The following TASP1 variants were observed in gnomAD, a reference collection of about 807,000 sequenced individuals.
The protein encoded by TASP1 is taspase 1.
In TASP1, 16 loss-of-function variants were observed where a neutral mutation model predicts 56.6. The ratio of observed to expected loss-of-function variants is 0.28; its 90% confidence interval spans 0.19 to 0.43. The LOEUF (loss-of-function observed/expected upper bound fraction) is 0.43. Among genes scored for constraint, TASP1 ranks in the 20% least tolerant of loss-of-function variants. TASP1 has a pLI of 1.00. For missense variants in TASP1, 393 were observed against 511.6 expected (o/e 0.77, Z 2.24); for synonymous variants, 179 against 184.2 (o/e 0.97, Z 0.23).
chr20:13,426,982 C>G lies in TASP1; in HGVS notation c.1096+8062G>C, dbSNP rs115080213. Among the ~76,000 whole-genome samples, 1,182 of 152,320 alleles carry G rather than the reference C, an allele frequency of 7.8e-3. 11 individuals are homozygous for G. Among genetic ancestry groups the G allele is most frequent in the African/African-American group, 0.027 (1,141 of 41,572 alleles). Reference sequence around the variant, plus strand: ...ATCAGACAAACATCTATAAATACCTCTTTTCCCACTACCAGCCTAAAAGCT... The same window carrying G: ...ATCAGACAAACATCTATAAATACCTGTTTTCCCACTACCAGCCTAAAAGCT... On this transcript the variant is annotated intron_variant, in intron 12 of 13. Coordinates refer to ENST00000337743, the MANE Select transcript of TASP1 (RefSeq NM_017714.3).
the TASP1 span, among the ~76,000 whole-genome samples, chr20:13,371,873 T>A: frequency 6.6e-6 from 1 of 152,354 alleles, no homozygotes; most frequent in African/African-American, 2.4e-5. Context: ...AATGAATTGA[T>A]CCTCTCATCA....
the TASP1 span, among the ~76,000 whole-genome samples, chr20:13,125,686 A>G: frequency 7.2e-5 from 11 of 152,202 alleles, no homozygotes; most frequent in Non-Finnish European, 1.3e-4. Flanking sequence ...TCTGTTCCAC[A>G]TGGTTGTCAT....
chr20:13,112,784 T>G, the TASP1 span, among the ~76,000 whole-genome samples: 1 of 152,192 alleles, frequency 6.6e-6, no homozygotes. Flanking sequence ...GGGGCTTCAA[T>G]TTCCTCATCT....
chr20:13,291,194 C>A, the TASP1 span, among the ~76,000 whole-genome samples: 1 of 152,198 alleles, frequency 6.6e-6, no homozygotes, highest in Non-Finnish European at 1.5e-5. Context: ...TGGCCAGGAG[C>A]CCTCTTCATA....
chr20:13,325,184 C>T, the TASP1 span, among the ~76,000 whole-genome samples: 2 of 152,206 alleles, frequency 1.3e-5, no homozygotes, highest in Admixed American at 6.5e-5. Context: ...GGGGATGGCC[C>T]TGGAGTGTCT....
the TASP1 span, among the ~76,000 whole-genome samples, chr20:13,125,018 C>T: frequency 6.6e-6 from 1 of 152,198 alleles, no homozygotes; most frequent in South Asian, 2.1e-4. Context: ...CCTTTAAAGA[C>T]CCCACTGCTA....
chr20:13,229,164 T>A, the TASP1 span, among the ~76,000 whole-genome samples: 1 of 152,112 alleles, frequency 6.6e-6, no homozygotes, highest in South Asian at 2.1e-4. Flanking sequence ...CTGCATTTTT[T>A]AAAGTTTTTT....
At chr20:13,373,195 G>A in the TASP1 span, among the ~76,000 whole-genome samples, 2 of 151,684 alleles carry the variant, frequency 1.3e-5, no homozygotes, top group African/African-American at 4.8e-5. Context: ...TCCTTTAAGT[G>A]GTTGTTGTCA....
chr20:13,419,290 G>A (rs974758670), intron 12 of TASP1, among the ~76,000 whole-genome samples: 5 of 152,098 alleles, frequency 3.3e-5, no homozygotes, highest in African/African-American at 9.7e-5. Context: ...GTGCATGCTC[G>A]TGTGCATGTA....
At chr20:13,431,623 G>A (rs988861374) in intron 12 of TASP1, among the ~76,000 whole-genome samples, 4 of 152,246 alleles carry the variant, frequency 2.6e-5, no homozygotes, top group East Asian at 1.9e-4. Flanking sequence ...AGTGAAGGAG[G>A]AAGAGAAAAG....
rs866494178 is a variant in TASP1, at chr20:13,474,130, T to C, written c.985+9097A>G. On this transcript the variant is annotated intron_variant, in intron 11 of 13. Transcript: ENST00000337743. The stretch of plus-strand genomic sequence containing the variant: ...AACTGTTAAGGTTTTGATATTTTTA[T>C]TTCAATAGTTTTGGGGTTTGGAATG... Among the ~76,000 whole-genome samples, 6 of 152,334 alleles carry C rather than the reference T, an allele frequency of 3.9e-5. No individual in the cohort carries two copies. In the Middle Eastern group the frequency reaches 0.02, roughly 518 times the overall value.
chr20:13,433,534 A>T (rs951069012), intron 12 of TASP1, among the ~76,000 whole-genome samples: 1 of 146,806 alleles, frequency 6.8e-6, no homozygotes. Flanking sequence ...AAAAAAAAAA[A>T]AAAAAAATAC....
At chr20:13,227,797 C>T in the TASP1 span, among the ~76,000 whole-genome samples, 171 of 151,660 alleles carry the variant, frequency 1.1e-3, 2 homozygotes, top group African/African-American at 3.9e-3. Context: ...TGTGAGCCAC[C>T]GCGCCCGGCC....
chr20:13,144,557 C>A, the TASP1 span, among the ~76,000 whole-genome samples: 1 of 152,148 alleles, frequency 6.6e-6, no homozygotes, highest in African/African-American at 2.4e-5. Context: ...ACAAAAATTT[C>A]TTGAGGCTGA....
chr20:13,260,365 CA>C, the TASP1 span, among the ~76,000 whole-genome samples: 20 of 152,264 alleles, frequency 1.3e-4, no homozygotes, highest in Admixed American at 1.1e-3. Context: ...GAAAAACTGG[CA>C]ATGAAGCTAT....
chr20:13,522,334 C>T (rs370803870), intron 10 of TASP1, among the ~76,000 whole-genome samples: 2 of 152,230 alleles, frequency 1.3e-5, no homozygotes, highest in African/African-American at 4.8e-5. Context: ...AGCAAGAGAC[C>T]AGCTAGGAGG....
chr20:13,257,331 A>G, the TASP1 span, among the ~76,000 whole-genome samples: 1 of 152,220 alleles, frequency 6.6e-6, no homozygotes. Context: ...CCTGGCCAAC[A>G]TGGTGAAAAC....
chr20:13,492,865 T>C (rs1393849126), intron 10 of TASP1, among the ~76,000 whole-genome samples: 2 of 152,238 alleles, frequency 1.3e-5, no homozygotes, highest in African/African-American at 2.4e-5. Context: ...GTGATTGATA[T>C]ATGCGTTAGC....
intron 12 of TASP1, among the ~76,000 whole-genome samples, chr20:13,434,393 C>CA (rs1460237647): frequency 3.3e-5 from 5 of 152,146 alleles, no homozygotes; most frequent in Non-Finnish European, 7.4e-5. Flanking sequence ...GGCAGCCCCA[C>CA]AACTCTGTGC....
Sources: allele counts gnomAD v4.1 joint callset (sites outside exome capture counted in the v4.1 genomes callset), GRCh38; gene constraint gnomAD v4.1.1; transcripts MANE v1.5; gene names NCBI Gene and HGNC (gene_info 2026-07-23, HGNC 2026-07-21).